DCC: variants seen among roughly 807,000 people sequenced by gnomAD.
DCC encodes DCC netrin 1 receptor, also known as netrin receptor DCC.
In DCC, 58 loss-of-function variants were observed where a neutral mutation model predicts 172.5. That is an observed-to-expected ratio of 0.34 (90% CI 0.27 to 0.42). The LOEUF (loss-of-function observed/expected upper bound fraction) is 0.42. Among genes scored for constraint, DCC ranks in the 10% least tolerant of loss-of-function variants. The pLI, the probability that DCC is intolerant of heterozygous loss-of-function variation, is 1.00. For synonymous variants in DCC, 709 were observed against 644.5 expected (o/e 1.10, Z -1.52); for missense variants, 1,740 against 1,791.0 (o/e 0.97, Z 0.51).
chr18:53,344,098 A>G (rs1177200863), intron 15 of DCC, among the ~76,000 whole-genome samples: 1 of 151,772 alleles, frequency 6.6e-6, no homozygotes, highest in Non-Finnish European at 1.5e-5. Context: ...TAACTTTTCT[A>G]TTATCTATCT....
intron 9 of DCC, among the ~76,000 whole-genome samples, chr18:53,181,500 AT>A (rs1247592324): frequency 6.6e-6 from 1 of 151,554 alleles, no homozygotes; most frequent in Non-Finnish European, 1.5e-5. Context: ...CACTCATTCC[AT>A]AAAAATTAAA....
At chr18:53,290,350 A>C (rs959634129) in intron 12 of DCC, among the ~76,000 whole-genome samples, 8 of 152,216 alleles carry the variant, frequency 5.3e-5, no homozygotes, top group Non-Finnish European at 8.8e-5. Context: ...CTTACCTGAC[A>C]TTTGGAACTC....
chr18:53,322,288 A>G, intron 14 of DCC, 131 bp downstream of exon 14: 2 of 690,346 alleles, frequency 2.9e-6, no homozygotes, highest in Non-Finnish European at 5.3e-6. Flanking sequence ...CATGCAAAAC[A>G]CAACAGGGAA....
Position 53,104,524 on chromosome 18 carries a change from A to G in DCC, c.1261+38358A>G, listed in dbSNP as rs575626649. 5.3e-5 allele frequency among the ~76,000 whole-genome samples: 8 copies of G among 151,838 alleles called. No individual in the cohort carries two copies. The South Asian group carries it at 1.7e-3, about 32-fold the overall frequency. ...CATGTGGAACTGTAAGTCCATTAAA[A>G]CTTCTTCTTCTTCTTCTCAGTCTCA... On this transcript the variant is annotated intron_variant, in intron 7 of 28. Transcript: ENST00000442544.
rs920698599 is a variant in DCC, at chr18:53,521,028, T to A, written c.4112-5589T>A. 2.0e-5 allele frequency among the ~76,000 whole-genome samples: 3 copies of A among 152,096 alleles called. No homozygotes were observed. The East Asian group carries it at 5.8e-4, about 29-fold the overall frequency. ...ACCTTCCTCTCCAGGGACCTCAGTA[T>A]TCTCTTCAACAAAATAAAAGGAAGG... On this transcript the variant is annotated intron_variant, in intron 27 of 28. Coordinates refer to ENST00000442544, the MANE Select transcript of DCC (RefSeq NM_005215.4).
chr18:53,229,352 G>T (rs1308816681), intron 12 of DCC, among the ~76,000 whole-genome samples: 3 of 152,032 alleles, frequency 2.0e-5, no homozygotes, highest in Admixed American at 1.3e-4. Context: ...AATTTTGTGA[G>T]CCCTATGTTA....
intron 1 of DCC, among the ~76,000 whole-genome samples, chr18:52,455,885 C>T (rs1988442550): frequency 6.6e-6 from 1 of 152,142 alleles, no homozygotes; most frequent in Admixed American, 6.5e-5. Context: ...TGGCACACTC[C>T]ATCCCTACCC....
chr18:52,511,750 A>G (rs190415417), intron 1 of DCC, among the ~76,000 whole-genome samples: 1 of 152,348 alleles, frequency 6.6e-6, no homozygotes, highest in East Asian at 1.9e-4. Context: ...ATACAAATAG[A>G]CTGAAGCTCA....
At chr18:52,850,536 G>T (rs1295505000) in intron 2 of DCC, among the ~76,000 whole-genome samples, 1 of 151,974 alleles carries the variant, frequency 6.6e-6, no homozygotes, top group Non-Finnish European at 1.5e-5. Flanking sequence ...TTTACTATTT[G>T]CTCTAAGTGA....
intron 2 of DCC, among the ~76,000 whole-genome samples, chr18:52,835,993 C>T (rs1446825152): frequency 2.6e-5 from 4 of 152,224 alleles, no homozygotes; most frequent in African/African-American, 9.6e-5. Context: ...ACAAGGGAGG[C>T]CTCAGGAAAC....
At chr18:53,128,830 TACACACACACACACACACACACAC>T (rs1209652447) in intron 7 of DCC, among the ~76,000 whole-genome samples, 6 of 86,966 alleles carry the variant, frequency 6.9e-5, no homozygotes, top group African/African-American at 2.5e-4. Context: ...TGTATACACA[TACACACACACACACACACACACAC>T]ACACACACAC....
intron 1 of DCC, among the ~76,000 whole-genome samples, chr18:52,569,993 C>G (rs1408325682): frequency 7.9e-5 from 12 of 152,124 alleles, no homozygotes; most frequent in Non-Finnish European, 2.9e-5. Context: ...GGAGAAAGTA[C>G]ACTGGATTAG....
chr18:52,720,559 C>T (rs1318259928), intron 1 of DCC, among the ~76,000 whole-genome samples: 2 of 152,164 alleles, frequency 1.3e-5, no homozygotes, highest in Non-Finnish European at 2.9e-5. Flanking sequence ...CCAGTATACA[C>T]CACCAGGAAG....
intron 14 of DCC, among the ~76,000 whole-genome samples, chr18:53,330,095 C>T (rs1385380754): frequency 1.3e-4 from 20 of 152,136 alleles, no homozygotes. Context: ...AAAGTCATCA[C>T]ATCTTATATA....
chr18:52,561,862 A>G (rs2033047068), intron 1 of DCC, among the ~76,000 whole-genome samples: 1 of 152,202 alleles, frequency 6.6e-6, no homozygotes, highest in South Asian at 2.1e-4. Context: ...ATTTTTCTCC[A>G]TCTTATTTCA....
At chr18:53,280,796 G>T (rs553869513) in intron 12 of DCC, among the ~76,000 whole-genome samples, 6 of 152,094 alleles carry the variant, frequency 3.9e-5, no homozygotes. Flanking sequence ...AACCCGAAAA[G>T]GTTGGACTAG....
intron 3 of DCC, among the ~76,000 whole-genome samples, chr18:52,912,433 G>A (rs7233131): frequency 0.014 from 2,194 of 152,012 alleles, 68 homozygotes; most frequent in African/African-American, 0.05. Context: ...GTATTAATTT[G>A]TCTACTGGTA....
At chr18:53,024,519 C>G (rs1327377477) in intron 5 of DCC, among the ~76,000 whole-genome samples, 1 of 152,020 alleles carries the variant, frequency 6.6e-6, no homozygotes, top group African/African-American at 2.4e-5. Flanking sequence ...GCCAAAGAGC[C>G]CATCAAAGTA....
At chr18:52,430,050 AT>A (rs992609542) in intron 1 of DCC, among the ~76,000 whole-genome samples, 1 of 152,164 alleles carries the variant, frequency 6.6e-6, no homozygotes, top group African/African-American at 2.4e-5. Context: ...AATAAAGTAT[AT>A]GCAAAATATT....
Sources: gnomAD v4.1 joint callset for allele counts (sites outside exome capture counted in the v4.1 genomes callset) on GRCh38, gnomAD v4.1.1 for gene constraint, MANE v1.5 for transcripts, NCBI Gene and HGNC (gene_info 2026-07-23, HGNC 2026-07-21) for gene names.